NMNAT2: variants seen among roughly 807,000 people sequenced by gnomAD.
The protein encoded by NMNAT2 is nicotinamide nucleotide adenylyltransferase 2.
Under a neutral mutation model 41.6 loss-of-function variants are expected in NMNAT2, and 11 were observed. The observed-to-expected ratio is 0.26, with a 90% confidence interval of 0.17 to 0.44. NMNAT2 has a LOEUF of 0.44. Among genes scored for constraint, NMNAT2 ranks in the 20% least tolerant of loss-of-function variants. The pLI, the probability that NMNAT2 is intolerant of heterozygous loss-of-function variation, is 1.00. For synonymous variants in NMNAT2, 148 were observed against 151.2 expected, an observed-to-expected ratio of 0.98 and a Z score of 0.16; for missense variants, 288 against 407.7, an observed-to-expected ratio of 0.71 and a Z score of 2.53.
Position 183,418,257 on chromosome 1 carries a change from G to A in NMNAT2, c.11C>T (p.Thr4Ile), listed in dbSNP as rs1164211097. ...GAGCAAGATAACGTGGGTCTTGGTG[G>A]TCTCGGTCATGGTGCAGATGGGTCC... The part of the protein sequence containing the change: MTE[T>I]TKTHVILLAC... Residue 4 changes from threonine to isoleucine, a missense_variant, in exon 1 of 11, where the codon ACC (threonine) becomes ATC (isoleucine). Around this residue, in one of 3 missense-constraint regions of NMNAT2, gnomAD observed 100 missense variants for 168.5 expected, o/e 0.59. Coordinates refer to ENST00000287713, the MANE Select transcript of NMNAT2 (RefSeq NM_015039.4). 1.2e-6 allele frequency: 2 copies of A among 1,614,136 alleles called. No homozygotes were observed. Among genetic ancestry groups the A allele is most frequent in the South Asian group, 2.2e-5 (2 of 91,076 alleles).
chr1:183,384,674 T>C (rs1436471372), intron 1 of NMNAT2, among the ~76,000 whole-genome samples: 4 of 152,206 alleles, frequency 2.6e-5, no homozygotes, highest in African/African-American at 9.7e-5. Context: ...ACCATATTAC[T>C]CTGGGCCTGT....
intron 1 of NMNAT2, among the ~76,000 whole-genome samples, chr1:183,342,772 C>T (rs1215750989): frequency 6.6e-6 from 1 of 151,948 alleles, no homozygotes; most frequent in African/African-American, 2.4e-5. Flanking sequence ...CTTGCTCTGT[C>T]ATCCAGGCTG....
chr1:183,266,416 C>T (rs1660816548), intron 8 of NMNAT2, among the ~76,000 whole-genome samples: 1 of 152,162 alleles, frequency 6.6e-6, no homozygotes, highest in Non-Finnish European at 1.5e-5. Context: ...AACCTGCATC[C>T]CTTGTGCGCT....
chr1:183,304,678 G>A, intron 1 of NMNAT2: 1 of 1,614,012 alleles, frequency 6.2e-7, no homozygotes, highest in South Asian at 1.1e-5. Flanking sequence ...ACCTGAGAGA[G>A]TAACAAACAC....
intron 1 of NMNAT2, among the ~76,000 whole-genome samples, chr1:183,301,635 T>C (rs1162730063): frequency 6.6e-6 from 1 of 152,174 alleles, no homozygotes; most frequent in African/African-American, 2.4e-5. Context: ...ACCCTGAGGG[T>C]CCACTGTGTC....
At chr1:183,265,005 A>G (rs1308541878) in intron 8 of NMNAT2, among the ~76,000 whole-genome samples, 2 of 152,060 alleles carry the variant, frequency 1.3e-5, no homozygotes, top group African/African-American at 4.8e-5. Flanking sequence ...GATTTCATTC[A>G]ATTTTGAAGT....
At chr1:183,413,117 G>C (rs1440672593) in intron 1 of NMNAT2, among the ~76,000 whole-genome samples, 1 of 152,140 alleles carries the variant, frequency 6.6e-6, no homozygotes, top group African/African-American at 2.4e-5. Context: ...ATGGTTTAAA[G>C]AAGTTCAAAT....
At chr1:183,393,408 T>C (rs1241671325) in intron 1 of NMNAT2, among the ~76,000 whole-genome samples, 1 of 151,934 alleles carries the variant, frequency 6.6e-6, no homozygotes, top group African/African-American at 2.4e-5. Context: ...AGTGCAAACT[T>C]GGGATGAACC....
At chr1:183,417,812 C>T (rs1356721914) in intron 1 of NMNAT2, among the ~76,000 whole-genome samples, 1 of 152,206 alleles carries the variant, frequency 6.6e-6, no homozygotes, top group African/African-American at 2.4e-5. Context: ...CTCCCCTACT[C>T]GGCGCCCCAA....
intron 8 of NMNAT2, among the ~76,000 whole-genome samples, chr1:183,278,271 G>A (rs1661170185): frequency 6.6e-6 from 1 of 151,856 alleles, no homozygotes; most frequent in African/African-American, 2.4e-5. Flanking sequence ...TCTCCCCATC[G>A]GCAACACATG....
At chr1:183,384,016 AGAG>A (rs1312572887) in intron 1 of NMNAT2, among the ~76,000 whole-genome samples, 1 of 152,206 alleles carries the variant, frequency 6.6e-6, no homozygotes. Context: ...ATTGTTATAA[AGAG>A]CTACCTGAGA....
intron 1 of NMNAT2, among the ~76,000 whole-genome samples, chr1:183,401,488 A>C (rs1178683812): frequency 1.3e-5 from 2 of 152,208 alleles, no homozygotes; most frequent in Non-Finnish European, 2.9e-5. Context: ...TAGTTCAACC[A>C]TTGTGGAAGA....
chr1:183,405,188 C>A (rs1336413316), intron 1 of NMNAT2, among the ~76,000 whole-genome samples: 1 of 151,996 alleles, frequency 6.6e-6, no homozygotes, highest in African/African-American at 2.4e-5. Flanking sequence ...CCACTGAACT[C>A]CAGCTTGGGT....
intron 1 of NMNAT2, among the ~76,000 whole-genome samples, chr1:183,394,482 G>A (rs1369539826): frequency 6.6e-6 from 1 of 152,160 alleles, no homozygotes; most frequent in Non-Finnish European, 1.5e-5. Context: ...CTGCAAATTT[G>A]ATTATTTTCT....
chr1:183,315,767 C>A (rs1190993896), intron 1 of NMNAT2, among the ~76,000 whole-genome samples: 3 of 129,264 alleles, frequency 2.3e-5, no homozygotes, highest in Non-Finnish European at 3.1e-5. Flanking sequence ...GGCAACAAAG[C>A]AGACTCCGTG....
intron 1 of NMNAT2, among the ~76,000 whole-genome samples, chr1:183,411,934 G>A (rs768831556): frequency 9.9e-5 from 15 of 152,104 alleles, no homozygotes; most frequent in African/African-American, 3.4e-4. Context: ...GGAGGGGAGC[G>A]AATGAGACAT....
At chr1:183,412,255 G>A (rs551456627) in intron 1 of NMNAT2, among the ~76,000 whole-genome samples, 51 of 152,284 alleles carry the variant, frequency 3.3e-4, no homozygotes, top group East Asian at 2.3e-3. Context: ...ACGGAGTCTC[G>A]CTCTGTCTCC....
At chr1:183,340,714 A>C (rs1662780473) in intron 1 of NMNAT2, among the ~76,000 whole-genome samples, 1 of 152,120 alleles carries the variant, frequency 6.6e-6, no homozygotes, top group African/African-American at 2.4e-5. Context: ...CTGGGTGCTG[A>C]GAGGTACTTG....
chr1:183,295,057 G>A (rs1389599219), intron 1 of NMNAT2, among the ~76,000 whole-genome samples: 4 of 152,216 alleles, frequency 2.6e-5, no homozygotes, highest in African/African-American at 9.6e-5. Context: ...AGGCTGCAGT[G>A]CAGTGGTGCG....
Sources: gnomAD v4.1 joint callset for allele counts (sites outside exome capture counted in the v4.1 genomes callset) on GRCh38, gnomAD v4.1.1 for gene constraint, gnomAD v4.1.1 regional missense constraint, MANE v1.5 for transcripts, NCBI Gene and HGNC (gene_info 2026-07-23, HGNC 2026-07-21) for gene names.